Variants in DKK2 observed in about 807,000 individuals in gnomAD.
DKK2 encodes dickkopf Wnt signaling pathway inhibitor 2.
Under a neutral mutation model 28.1 loss-of-function variants are expected in DKK2, and 11 were observed. The observed-to-expected ratio is 0.39, with a 90% confidence interval of 0.25 to 0.65. The LOEUF (loss-of-function observed/expected upper bound fraction) is 0.65. DKK2 is among the 30% of genes least tolerant of loss of function. The pLI is 0.47. For missense variants in DKK2, 326 were observed against 335.5 expected, an observed-to-expected ratio of 0.97 and a Z score of 0.22; for synonymous variants, 135 against 126.5, an observed-to-expected ratio of 1.07 and a Z score of -0.45.
At position 106,987,465 on chromosome 4, in the gene DKK2, G is replaced by C. The variant is rs538713968; in HGVS notation, c.222+47905C>G. Among the ~76,000 whole-genome samples, 87 of 152,198 alleles carry C rather than the reference G, an allele frequency of 5.7e-4. 1 individual carries two copies. Among genetic ancestry groups the C allele is most frequent in the Non-Finnish European group, 1.3e-3 (86 of 67,994 alleles). On this transcript the variant is annotated intron_variant, in intron 1 of 3. Coordinates refer to ENST00000285311, the MANE Select transcript of DKK2 (RefSeq NM_014421.3). Reference sequence around the variant, plus strand: ...TTGTGTAACACCACCCTGATGTTTTGTTTGAAAACTTGGCCTCAGGCATGG... The same window carrying C: ...TTGTGTAACACCACCCTGATGTTTTCTTTGAAAACTTGGCCTCAGGCATGG...
At position 106,970,608 on chromosome 4, in the gene DKK2, A is replaced by G. The variant is rs996806998; in HGVS notation, c.223-44659T>C. Among the ~76,000 whole-genome samples the G allele has an allele frequency of 5.9e-5, 9 of 152,174 alleles. 1 individual carries two copies. The highest frequency in any genetic ancestry group is 5.9e-4 in the Admixed American group (9 of 15,260). ...CAGAACCTCTCAAATGATTGACTCA[A>G]TAGGTGTTTCCAGTTTTGGTCAAAA... On this transcript the variant is annotated intron_variant, in intron 1 of 3. Transcript: ENST00000285311.
chr4:107,000,788 T>C (rs1179978901), intron 1 of DKK2, among the ~76,000 whole-genome samples: 1 of 152,166 alleles, frequency 6.6e-6, no homozygotes, highest in African/African-American at 2.4e-5. Context: ...ATTATTTCCA[T>C]TTTATAGAAG....
At chr4:107,032,068 T>A (rs1208147093) in intron 1 of DKK2, among the ~76,000 whole-genome samples, 1 of 151,954 alleles carries the variant, frequency 6.6e-6, no homozygotes, top group African/African-American at 2.4e-5. Flanking sequence ...CTAGTAACAG[T>A]CTGAAACTTA....
intron 1 of DKK2, among the ~76,000 whole-genome samples, chr4:106,976,477 C>T (rs931223516): frequency 1.3e-5 from 2 of 152,062 alleles, no homozygotes; most frequent in African/African-American, 2.4e-5. Context: ...TGAATTGATC[C>T]CTTTACCATT....
At chr4:107,034,745 G>C (rs143418536) in intron 1 of DKK2, among the ~76,000 whole-genome samples, 5 of 152,180 alleles carry the variant, frequency 3.3e-5, no homozygotes, top group African/African-American at 1.2e-4. Flanking sequence ...AAGAGAGTAA[G>C]TGGTTGGAAG....
At chr4:107,035,230 G>C (rs554947081) in intron 1 of DKK2, 140 bp downstream of exon 1, 9 of 994,862 alleles carry the variant, frequency 9.0e-6, no homozygotes, top group South Asian at 3.2e-5. Flanking sequence ...GACCCTGTTC[G>C]GTGAATCCCT....
rs541365050 is a variant in DKK2 at position 106,989,067 on chromosome 4, G to A, written c.222+46303C>T. ...CTGTAAGTGACCTGACAAGCACTTGGAAGCAATTTTTCATAGGAGTATGGT... is the reference window on the plus strand; with the variant it reads ...CTGTAAGTGACCTGACAAGCACTTGAAAGCAATTTTTCATAGGAGTATGGT... On this transcript the variant is annotated intron_variant, in intron 1 of 3. Coordinates refer to ENST00000285311, the MANE Select transcript of DKK2 (RefSeq NM_014421.3). Among the ~76,000 whole-genome samples, 12 of 152,268 alleles carry A rather than the reference G, an allele frequency of 7.9e-5. 1 individual carries two copies. The highest frequency in any genetic ancestry group is 5.9e-4 in the Admixed American group (9 of 15,286).
intron 1 of DKK2, among the ~76,000 whole-genome samples, chr4:106,926,655 AC>A (rs1485284647): frequency 1.3e-5 from 2 of 152,170 alleles, no homozygotes; most frequent in Non-Finnish European, 2.9e-5. Flanking sequence ...CTCCTTACAG[AC>A]CTGAAATAGC....
chr4:107,006,855 G>A (rs564875526), intron 1 of DKK2, among the ~76,000 whole-genome samples: 2 of 152,318 alleles, frequency 1.3e-5, no homozygotes, highest in Admixed American at 1.3e-4. Context: ...ACATCACTTT[G>A]AGAGCTAAGT....
chr4:107,014,135 A>T (rs1041780774), intron 1 of DKK2, among the ~76,000 whole-genome samples: 3 of 151,442 alleles, frequency 2.0e-5, no homozygotes, highest in African/African-American at 7.3e-5. Flanking sequence ...TCCATTTCTG[A>T]GTACATATCC....
At chr4:106,950,878 A>T (rs1578354242) in intron 1 of DKK2, among the ~76,000 whole-genome samples, 1 of 152,306 alleles carries the variant, frequency 6.6e-6, no homozygotes, top group South Asian at 2.1e-4. Flanking sequence ...GTACAGAAAT[A>T]AAACACTGAT....
chr4:106,976,167 G>T (rs556467598), intron 1 of DKK2, among the ~76,000 whole-genome samples: 1 of 152,234 alleles, frequency 6.6e-6, no homozygotes, highest in African/African-American at 2.4e-5. Context: ...CAATTATGCG[G>T]TTAAATTTGG....
intron 1 of DKK2, among the ~76,000 whole-genome samples, chr4:106,940,915 A>G (rs1043999575): frequency 3.9e-5 from 6 of 151,988 alleles, no homozygotes; most frequent in African/African-American, 7.2e-5. Context: ...CAATGAGATC[A>G]CATGGACACA....
intron 1 of DKK2, among the ~76,000 whole-genome samples, chr4:107,022,246 T>G (rs961076812): frequency 2.0e-5 from 3 of 152,150 alleles, no homozygotes; most frequent in African/African-American, 7.2e-5. Context: ...TGCACTACAT[T>G]TGTTTTTATT....
chr4:106,992,734 C>T (rs781283105), intron 1 of DKK2, among the ~76,000 whole-genome samples: 3 of 152,158 alleles, frequency 2.0e-5, no homozygotes, highest in Non-Finnish European at 4.4e-5. Flanking sequence ...CGGGTAAATT[C>T]TAATGTTCTG....
rs375167503 is a variant in DKK2, at chr4:106,974,506, G to A, written c.223-48557C>T. On this transcript the variant is annotated intron_variant, in intron 1 of 3. Coordinates refer to ENST00000285311, the MANE Select transcript of DKK2 (RefSeq NM_014421.3). ...GTATTTTATTCTCTTCATGGCAATT[G>A]TGAATGGGAGTTCACTCATGATTTG... Among the ~76,000 whole-genome samples, 28 of 152,222 alleles carry A rather than the reference G, an allele frequency of 1.8e-4. No individual in the cohort carries two copies. The East Asian group carries it at 4.8e-3, about 26-fold the overall frequency.
intron 1 of DKK2, among the ~76,000 whole-genome samples, chr4:106,964,095 A>C (rs1722731679): frequency 6.6e-6 from 1 of 152,154 alleles, no homozygotes; most frequent in South Asian, 2.1e-4. Flanking sequence ...GAAGTCAGGT[A>C]ATGTGATGCC....
chr4:106,953,190 GTTAAAC>G, intron 1 of DKK2, among the ~76,000 whole-genome samples: 1 of 152,214 alleles, frequency 6.6e-6, no homozygotes, highest in African/African-American at 2.4e-5. Context: ...GACACCAGCT[GTTAAAC>G]TTAAGAACAC....
intron 1 of DKK2, among the ~76,000 whole-genome samples, chr4:107,024,899 T>C (rs1427514168): frequency 6.6e-6 from 1 of 152,204 alleles, no homozygotes; most frequent in Non-Finnish European, 1.5e-5. Flanking sequence ...TTCAACAGTA[T>C]GTTCTTAGAA....
Sources: allele counts gnomAD v4.1 joint callset (sites outside exome capture counted in the v4.1 genomes callset), GRCh38; gene constraint gnomAD v4.1.1; transcripts MANE v1.5; gene names NCBI Gene and HGNC (gene_info 2026-07-23, HGNC 2026-07-21).